SH3D19: variants seen among roughly 807,000 people sequenced by gnomAD.
The protein encoded by SH3D19 is SH3 domain-containing protein 19.
In SH3D19, 58 loss-of-function variants were observed where a neutral mutation model predicts 112.1. That is an observed-to-expected ratio of 0.52 (90% CI 0.42 to 0.64). SH3D19 has a LOEUF of 0.64. Ranked by LOEUF, SH3D19 falls within the 30% of genes least tolerant of loss-of-function variation. The pLI is 0.00. For synonymous variants in SH3D19, 391 were observed against 448.5 expected (o/e 0.87, Z 1.62); for missense variants, 1,090 against 1,263.4 (o/e 0.86, Z 2.08).
intron 1 of SH3D19, among the ~76,000 whole-genome samples, chr4:151,246,761 G>A (rs1460953148): frequency 2.6e-5 from 4 of 152,142 alleles, no homozygotes; most frequent in Admixed American, 1.3e-4. Context: ...ATTTATTGAT[G>A]AGAAAAGAAA....
At chr4:151,186,018 C>T (rs892650648) in intron 3 of SH3D19, among the ~76,000 whole-genome samples, 5 of 151,956 alleles carry the variant, frequency 3.3e-5, no homozygotes, top group African/African-American at 4.8e-5. Context: ...CCAGCCTGGG[C>T]GACAGTGAGA....
At chr4:151,289,271 T>C (rs1011660806) in intron 1 of SH3D19, among the ~76,000 whole-genome samples, 3 of 152,158 alleles carry the variant, frequency 2.0e-5, no homozygotes, top group African/African-American at 4.8e-5. Flanking sequence ...AGCTAAACTA[T>C]AGCACCTTTA....
intron 1 of SH3D19, among the ~76,000 whole-genome samples, chr4:151,321,268 T>C (rs537904053): frequency 5.9e-5 from 9 of 152,254 alleles, no homozygotes; most frequent in East Asian, 1.9e-4. Flanking sequence ...CTTTCAGTTT[T>C]AAAAGCTGGA....
At chr4:151,247,960 C>T (rs2149974359) in intron 1 of SH3D19, among the ~76,000 whole-genome samples, 1 of 152,250 alleles carries the variant, frequency 6.6e-6, no homozygotes, top group African/African-American at 2.4e-5. Context: ...CTTCCATAAA[C>T]ACATATTCCT....
At chr4:151,320,908 C>T (rs1305306632) in intron 1 of SH3D19, among the ~76,000 whole-genome samples, 2 of 152,022 alleles carry the variant, frequency 1.3e-5, no homozygotes, top group Non-Finnish European at 2.9e-5. Flanking sequence ...GGCATGGTGG[C>T]ATGCACCTGT....
intron 7 of SH3D19, chr4:151,170,664 C>T (rs1758890728): frequency 6.6e-6 from 1 of 152,106 alleles, no homozygotes; most frequent in African/African-American, 2.4e-5. Context: ...GGAAGCAGTT[C>T]TTCAGAAGTG....
chr4:151,293,553 T>G (rs925101798), intron 1 of SH3D19, among the ~76,000 whole-genome samples: 2 of 152,208 alleles, frequency 1.3e-5, no homozygotes, highest in African/African-American at 4.8e-5. Flanking sequence ...GTTAGTAGCA[T>G]CTGGATTGCC....
intron 1 of SH3D19, among the ~76,000 whole-genome samples, chr4:151,255,007 C>G (rs1442088490): frequency 6.6e-6 from 1 of 151,400 alleles, no homozygotes; most frequent in African/African-American, 2.4e-5. Flanking sequence ...GGGCTCCTCA[C>G]TTCCCAGTAG....
intron 12 of SH3D19, among the ~76,000 whole-genome samples, chr4:151,141,685 T>G (rs1009419525): frequency 6.6e-6 from 1 of 152,242 alleles, no homozygotes; most frequent in African/African-American, 2.4e-5. Flanking sequence ...TAATGTGTTA[T>G]ACATGTGCAT....
At chr4:151,181,079 T>A (rs1369374048) in intron 3 of SH3D19, among the ~76,000 whole-genome samples, 1 of 152,104 alleles carries the variant, frequency 6.6e-6, no homozygotes, top group Non-Finnish European at 1.5e-5. Context: ...GGCCTACCTC[T>A]ATTTTTCATG....
rs1451902392 is a variant in SH3D19, at chr4:151,176,865, T to C, written c.327A>G (p.Thr109=). Reference sequence around the variant, plus strand: ...GCCTCCAAGAGCCTGCTGCAGATGATGTAGGAAATCCCAGTCCTGGGGGTG... The same window carrying C: ...GCCTCCAAGAGCCTGCTGCAGATGACGTAGGAAATCCCAGTCCTGGGGGTG... ...GTPPPGLGFP[T]SSAAGSWRPN... The change falls in exon 5 of 20, where the codon ACA becomes ACG. Residue 109 remains threonine (T), a synonymous_variant. Transcript: ENST00000604030. The C allele has an allele frequency of 1.6e-6, 2 of 1,232,072 alleles. No homozygotes were observed. Among genetic ancestry groups the C allele is most frequent in the Admixed American group, 4.2e-5 (1 of 23,700 alleles). The allele number at this position is 1,232,072 out of a possible 1,614,324, so 76.3% of individuals were successfully genotyped here.
chr4:151,149,136 C>T (rs1353338775), intron 10 of SH3D19, among the ~76,000 whole-genome samples: 2 of 152,174 alleles, frequency 1.3e-5, no homozygotes, highest in Admixed American at 1.3e-4. Context: ...AAGGCAGTCA[C>T]CTCTGAGCTC....
chr4:151,264,472 CAT>C (rs941834414), intron 1 of SH3D19, among the ~76,000 whole-genome samples: 3 of 149,598 alleles, frequency 2.0e-5, no homozygotes, highest in African/African-American at 4.9e-5. Context: ...CCTAACATCT[CAT>C]TATTTCTTAT....
At chr4:151,158,740 A>G (rs986623342) in intron 9 of SH3D19, among the ~76,000 whole-genome samples, 1 of 151,972 alleles carries the variant, frequency 6.6e-6, no homozygotes, top group African/African-American at 2.4e-5. Flanking sequence ...AAAAATATAT[A>G]TATGTACTTT....
chr4:151,165,640 C>T lies in SH3D19; in HGVS notation c.1591G>A (p.Ala531Thr). Residue 531 changes from alanine (A) to threonine (T), a missense_variant, in exon 8 of 20, where the codon GCA becomes ACA. Physicochemically the swap from Ala to Thr is moderately conservative, Grantham distance 58 (BLOSUM62 0). Transcript: ENST00000604030. Reference sequence around the variant, plus strand: ...ATTACAGTGGGCTTCCTGGTGGGTGCTGGTTGAACTGCTCGTTCTTTTATT... The same window carrying T: ...ATTACAGTGGGCTTCCTGGTGGGTGTTGGTTGAACTGCTCGTTCTTTTATT... ...EPIKERAVQPAPTRKPTVIRI... is the reference protein window; with the variant it reads ...EPIKERAVQPTPTRKPTVIRI... The T allele has an allele frequency of 6.2e-7, 1 of 1,614,086 alleles. No individual in the cohort carries two copies. The highest frequency in any genetic ancestry group is 1.1e-5 in the South Asian group (1 of 91,072).
At chr4:151,214,295 G>A (rs887530983) in intron 2 of SH3D19, among the ~76,000 whole-genome samples, 2 of 151,264 alleles carry the variant, frequency 1.3e-5, no homozygotes, top group African/African-American at 2.4e-5. Flanking sequence ...GCAACCATCC[G>A]ATTTCTCAAT....
chr4:151,278,965 T>C (rs184992935), intron 1 of SH3D19: 51 of 234,058 alleles, frequency 2.2e-4, no homozygotes, highest in Non-Finnish European at 4.0e-4. Flanking sequence ...TATTGGTTCA[T>C]TTATGTAGTC....
chr4:151,248,075 AC>A (rs2149974470), intron 1 of SH3D19, among the ~76,000 whole-genome samples: 1 of 152,224 alleles, frequency 6.6e-6, no homozygotes, highest in Non-Finnish European at 1.5e-5. Flanking sequence ...CTTCATGTTG[AC>A]CAGATTTTCA....
At chr4:151,174,514 T>C (rs930682777) in intron 7 of SH3D19, among the ~76,000 whole-genome samples, 156 bp downstream of exon 7, 7 of 152,226 alleles carry the variant, frequency 4.6e-5, no homozygotes, top group Admixed American at 3.3e-4. Context: ...TTGATCTGTC[T>C]GTTCATTCCT....
Sources: allele counts gnomAD v4.1 joint callset (sites outside exome capture counted in the v4.1 genomes callset), GRCh38; gene constraint gnomAD v4.1.1; transcripts MANE v1.5; gene names NCBI Gene and HGNC (gene_info 2026-07-23, HGNC 2026-07-21).